Variants in GALNT17 observed in about 807,000 individuals in gnomAD.
GALNT17 encodes polypeptide N-acetylgalactosaminyltransferase 17, also known as UDP-GalNAc:polypeptide N-acetylgalactosaminyltransferase-like 3.
A neutral mutation model predicts 63.7 loss-of-function variants in GALNT17; 29 were observed. The observed-to-expected ratio is 0.46, with a 90% CI of 0.34 to 0.62. The LOEUF is 0.62. Ranked by LOEUF, GALNT17 falls within the 20% of genes least tolerant of loss-of-function variation. The pLI is 0.01. For synonymous variants in GALNT17, 305 were observed against 318.3 expected (o/e 0.96, Z 0.45); for missense variants, 603 against 799.6 (o/e 0.75, Z 2.97).
At chr7:71,358,781 C>A (rs1259868873) in intron 2 of GALNT17, among the ~76,000 whole-genome samples, 1 of 149,626 alleles carries the variant, frequency 6.7e-6, no homozygotes, top group Non-Finnish European at 1.5e-5. Context: ...TTTTCTTTTT[C>A]TTTTTTTTTG....
At chr7:71,477,707 G>A (rs1787748141) in intron 5 of GALNT17, among the ~76,000 whole-genome samples, 1 of 151,894 alleles carries the variant, frequency 6.6e-6, no homozygotes, top group Non-Finnish European at 1.5e-5. Context: ...CAAAAAAAAA[G>A]GTTGAAAATA....
At chr7:71,237,283 T>C (rs929031313) in intron 1 of GALNT17, among the ~76,000 whole-genome samples, 3 of 152,078 alleles carry the variant, frequency 2.0e-5, no homozygotes, top group Non-Finnish European at 4.4e-5. Flanking sequence ...GTGTGAACTT[T>C]ATATGCACCA....
intron 1 of GALNT17, among the ~76,000 whole-genome samples, chr7:71,149,765 C>T (rs1244017733): frequency 1.3e-5 from 2 of 152,218 alleles, no homozygotes; most frequent in Admixed American, 6.5e-5. Flanking sequence ...TCAATTTCTT[C>T]TTCATTTGGG....
At chr7:71,408,803 G>A (rs542789839) in intron 3 of GALNT17, among the ~76,000 whole-genome samples, 79 of 152,132 alleles carry the variant, frequency 5.2e-4, no homozygotes, top group African/African-American at 1.8e-3. Context: ...AGCTCAGGAG[G>A]TCGAGGCTGT....
intron 5 of GALNT17, among the ~76,000 whole-genome samples, chr7:71,534,376 G>A (rs1788769236): frequency 6.6e-6 from 1 of 152,074 alleles, no homozygotes; most frequent in African/African-American, 2.4e-5. Context: ...GAGGCGGGCA[G>A]ATCACGAGGT....
At chr7:71,275,618 C>T (rs766838231) in intron 1 of GALNT17, among the ~76,000 whole-genome samples, 3 of 152,148 alleles carry the variant, frequency 2.0e-5, no homozygotes, top group African/African-American at 4.8e-5. Flanking sequence ...GCTCTATCTA[C>T]GGCAGTTCCA....
intron 1 of GALNT17, among the ~76,000 whole-genome samples, chr7:71,148,104 T>C (rs1196158893): frequency 6.6e-6 from 1 of 152,238 alleles, no homozygotes; most frequent in Non-Finnish European, 1.5e-5. Flanking sequence ...AGCCCAGTAG[T>C]TTCCAAGAGA....
chr7:71,161,123 C>T lies in GALNT17; in HGVS notation c.238+28083C>T, dbSNP rs551819914. ...TACAGGTGTGAGCCACTACACTTGG[C>T]CTTAAAGGACTTTTGATATATTTTG... On this transcript the variant is annotated intron_variant, in intron 1 of 10. Coordinates refer to ENST00000333538, the MANE Select transcript of GALNT17 (RefSeq NM_022479.3). Among the ~76,000 whole-genome samples, 111 of 152,228 alleles carry T rather than the reference C, an allele frequency of 7.3e-4. 5 individuals carry two copies. The South Asian group carries it at 0.022, about 30-fold the overall frequency.
chr7:71,553,392 A>G (rs1584045235), intron 5 of GALNT17, among the ~76,000 whole-genome samples: 1 of 152,136 alleles, frequency 6.6e-6, no homozygotes, highest in Admixed American at 6.5e-5. Flanking sequence ...TCCAAATTAC[A>G]TCATCTGACA....
At chr7:71,266,587 G>A (rs1293551789) in intron 1 of GALNT17, among the ~76,000 whole-genome samples, 1 of 152,126 alleles carries the variant, frequency 6.6e-6, no homozygotes, top group Non-Finnish European at 1.5e-5. Context: ...CCAGGCTCAG[G>A]TAGAGCTTTA....
At chr7:71,211,347 T>C (rs1789374011) in intron 1 of GALNT17, among the ~76,000 whole-genome samples, 1 of 152,216 alleles carries the variant, frequency 6.6e-6, no homozygotes, top group South Asian at 2.1e-4. Context: ...GCTGCTGCCA[T>C]GTAAGATGCG....
intron 5 of GALNT17, among the ~76,000 whole-genome samples, chr7:71,422,462 C>G (rs1333927614): frequency 6.6e-6 from 1 of 152,226 alleles, no homozygotes; most frequent in African/African-American, 2.4e-5. Context: ...ATCTCTGGAA[C>G]CTGTGAATGG....
intron 5 of GALNT17, among the ~76,000 whole-genome samples, chr7:71,441,425 A>G (rs1246601868): frequency 6.6e-6 from 1 of 151,404 alleles, no homozygotes; most frequent in Non-Finnish European, 1.5e-5. Context: ...CACCATTTCC[A>G]TTTTTCATCC....
At chr7:71,134,927 C>A (rs1301677711) in intron 1 of GALNT17, among the ~76,000 whole-genome samples, 1 of 132,920 alleles carries the variant, frequency 7.5e-6, no homozygotes, top group African/African-American at 2.8e-5. Flanking sequence ...TCATAGCTCA[C>A]TGAAGCTTCA....
chr7:71,479,622 A>G (rs1393653840), intron 5 of GALNT17, among the ~76,000 whole-genome samples: 31 of 152,140 alleles, frequency 2.0e-4, no homozygotes, highest in Admixed American at 2.0e-3. Flanking sequence ...TCATTTGCAT[A>G]TAGAAAGATG....
At chr7:71,161,997 TC>T (rs1332717266) in intron 1 of GALNT17, among the ~76,000 whole-genome samples, 2 of 149,746 alleles carry the variant, frequency 1.3e-5, no homozygotes, top group African/African-American at 4.9e-5. Flanking sequence ...CTTCTTTCCT[TC>T]TTCCCTTCTT....
At chr7:71,217,889 C>T (rs937011331) in intron 1 of GALNT17, among the ~76,000 whole-genome samples, 1 of 151,544 alleles carries the variant, frequency 6.6e-6, no homozygotes, top group Non-Finnish European at 1.5e-5. Flanking sequence ...GATCGCACCA[C>T]TGCACTCCAG....
chr7:71,478,486 G>A (rs1321731209), intron 5 of GALNT17, among the ~76,000 whole-genome samples: 1 of 151,932 alleles, frequency 6.6e-6, no homozygotes, highest in Non-Finnish European at 1.5e-5. Flanking sequence ...GCTAATTTTT[G>A]AATTTTTCTA....
intron 2 of GALNT17, among the ~76,000 whole-genome samples, chr7:71,346,174 AGAGT>A (rs1270365496): frequency 6.6e-6 from 1 of 152,014 alleles, no homozygotes; most frequent in African/African-American, 2.4e-5. Context: ...CTTGGATAAC[AGAGT>A]GAGATGAGTG....
Sources: gnomAD v4.1 joint callset for allele counts (sites outside exome capture counted in the v4.1 genomes callset) on GRCh38, gnomAD v4.1.1 for gene constraint, MANE v1.5 for transcripts, NCBI Gene and HGNC (gene_info 2026-07-23, HGNC 2026-07-21) for gene names.